ASAP1: variants seen among roughly 807,000 people sequenced by gnomAD.
ASAP1 encodes arf-GAP with SH3 domain, ANK repeat and PH domain-containing protein 1.
In ASAP1, 43 loss-of-function variants were observed where a neutral mutation model predicts 145.2. The ratio of observed to expected loss-of-function variants is 0.30; its 90% CI spans 0.23 to 0.38. The LOEUF (loss-of-function observed/expected upper bound fraction) is 0.38. Ranked by LOEUF, ASAP1 falls within the 10% of genes least tolerant of loss-of-function variation. The pLI is 1.00. For missense variants in ASAP1, 1,018 were observed against 1,355.3 expected (o/e 0.75, Z 3.91); for synonymous variants, 546 against 515.5 (o/e 1.06, Z -0.80).
chr8:130,180,965 G>T, intron 7 of ASAP1, 85 bp from the exon 8 acceptor site: 1 of 1,268,954 alleles, frequency 7.9e-7, no homozygotes, highest in Non-Finnish European at 1.1e-6. Flanking sequence ...ACAAACTATG[G>T]ATTTGGGGTG....
At chr8:130,343,061 A>G (rs75660267) in intron 3 of ASAP1, among the ~76,000 whole-genome samples, 3,175 of 152,314 alleles carry the variant, frequency 0.021, 53 homozygotes, top group East Asian at 0.064. Context: ...TAAAATGTTC[A>G]GGCAAGGAAG....
intron 1 of ASAP1, among the ~76,000 whole-genome samples, chr8:130,419,999 C>G (rs905535077): frequency 6.6e-6 from 1 of 151,032 alleles, no homozygotes; most frequent in African/African-American, 2.4e-5. Context: ...CTATGTTTAC[C>G]AGGCTGGTCT....
intron 3 of ASAP1, among the ~76,000 whole-genome samples, chr8:130,240,574 T>G (rs995806521): frequency 6.6e-6 from 1 of 152,188 alleles, no homozygotes; most frequent in Non-Finnish European, 1.5e-5. Flanking sequence ...TATAAGATTA[T>G]CTTTCCCAAA....
In ASAP1 at chr8:130,052,706, T is replaced by C. The variant is rs1393244063; in HGVS notation, c.*2025A>G. ...CACTAACTCCATGTAATTTTAGACA[T>C]GCAGCTTTTGTGTTTTTTTTTTGTT... On this transcript the variant is annotated 3_prime_UTR_variant, in exon 30 of 30. Coordinates refer to ENST00000518721, the MANE Select transcript of ASAP1 (RefSeq NM_018482.4). 2 of 150,644 alleles carry C rather than the reference T, an allele frequency of 1.3e-5. No individual in the cohort carries two copies. Among genetic ancestry groups the C allele is most frequent in the African/African-American group, 2.4e-5 (1 of 41,068 alleles). 9.3% of individuals were successfully genotyped at this position (150,644 alleles called of 1,614,324 possible). A position where few individuals can be genotyped will look rare whatever the true frequency, so the allele number is the denominator to read the frequency against.
At chr8:130,436,060 C>G (rs943700572) in intron 1 of ASAP1, among the ~76,000 whole-genome samples, 3 of 152,160 alleles carry the variant, frequency 2.0e-5, no homozygotes, top group Non-Finnish European at 4.4e-5. Flanking sequence ...AGAACTGGCT[C>G]CTCTAGAACG....
chr8:130,193,765 ACT>A (rs1455881394), intron 5 of ASAP1, among the ~76,000 whole-genome samples: 1 of 152,204 alleles, frequency 6.6e-6, no homozygotes, highest in African/African-American at 2.4e-5. Flanking sequence ...GAATTATGAA[ACT>A]CTGTGGTTAG....
intron 1 of ASAP1, among the ~76,000 whole-genome samples, chr8:130,435,541 T>G (rs748709753): frequency 2.6e-5 from 4 of 152,218 alleles, no homozygotes; most frequent in African/African-American, 4.8e-5. Context: ...TGTTACAGAT[T>G]TCAGTTCTTT....
chr8:130,350,833 C>T (rs1305477602), intron 3 of ASAP1, among the ~76,000 whole-genome samples: 1 of 152,224 alleles, frequency 6.6e-6, no homozygotes, highest in East Asian at 1.9e-4. Context: ...TGGAAGCAGA[C>T]AGCCAGACAG....
chr8:130,115,572 C>T (rs971880727), intron 23 of ASAP1, 56 bp downstream of exon 23: 34 of 1,352,116 alleles, frequency 2.5e-5, no homozygotes, highest in Middle Eastern at 1.8e-4. Context: ...CTTGTCTACA[C>T]AGACTAGAAA....
At chr8:130,277,032 C>T (rs1040746670) in intron 3 of ASAP1, among the ~76,000 whole-genome samples, 2 of 152,074 alleles carry the variant, frequency 1.3e-5, no homozygotes, top group Non-Finnish European at 2.9e-5. Flanking sequence ...GCTTTGACAG[C>T]GTAACCCCAC....
At chr8:130,276,913 C>G (rs1565162963) in intron 3 of ASAP1, among the ~76,000 whole-genome samples, 1 of 152,118 alleles carries the variant, frequency 6.6e-6, no homozygotes, top group Non-Finnish European at 1.5e-5. Context: ...ACACAGAAAA[C>G]TAAGTGAACT....
rs2097560320 is a variant in ASAP1, at chr8:130,118,618, C to T, written c.1665G>A (p.Lys555=). 1 of 1,613,726 alleles carries T rather than the reference C, an allele frequency of 6.2e-7. No homozygotes were observed. The highest frequency in any genetic ancestry group is 1.3e-5 in the African/African-American group (1 of 74,900). Residue 555 remains lysine (K), a synonymous_variant, in exon 19 of 30, where the codon AAG becomes AAA. Coordinates refer to ENST00000518721, the MANE Select transcript of ASAP1 (RefSeq NM_018482.4). ...GTTTAGCTGATGAAGTTGAACAGGT[C>T]TTCCTTGAAAACCTATGATCTACAT... ...AKYVDHRFSR[K]TCSTSSAKLN... is the part of the protein sequence containing the mutation.
At chr8:130,428,279 G>A (rs1829998739) in intron 1 of ASAP1, among the ~76,000 whole-genome samples, 1 of 151,294 alleles carries the variant, frequency 6.6e-6, no homozygotes, top group African/African-American at 2.4e-5. Flanking sequence ...TGCCACTGGA[G>A]GCATGTCTAA....
intron 3 of ASAP1, among the ~76,000 whole-genome samples, chr8:130,269,513 C>A (rs1243879670): frequency 1.3e-5 from 2 of 152,224 alleles, no homozygotes; most frequent in Admixed American, 6.5e-5. Flanking sequence ...TATGTCCCAA[C>A]AGATTAAACT....
chr8:130,270,452 T>C (rs13439609), intron 3 of ASAP1, among the ~76,000 whole-genome samples: 4,900 of 152,322 alleles, frequency 0.032, 254 homozygotes, highest in African/African-American at 0.11. Context: ...TGTAAAAGTA[T>C]AAAGAAATAA....
At chr8:130,110,206 G>A (rs1023616657) in intron 24 of ASAP1, among the ~76,000 whole-genome samples, 26 of 152,134 alleles carry the variant, frequency 1.7e-4, no homozygotes, top group Non-Finnish European at 3.4e-4. Context: ...AGGGGGTGGA[G>A]GGAAATGAGG....
chr8:130,154,585 C>T (rs1359422398), intron 12 of ASAP1, among the ~76,000 whole-genome samples: 2 of 152,282 alleles, frequency 1.3e-5, no homozygotes, highest in South Asian at 2.1e-4. Context: ...GTAGCTTTCC[C>T]AGGCATTTAA....
At chr8:130,333,316 G>T (rs540602775) in intron 3 of ASAP1, among the ~76,000 whole-genome samples, 6 of 152,292 alleles carry the variant, frequency 3.9e-5, no homozygotes, top group Admixed American at 1.3e-4. Context: ...AAAAAGGCAT[G>T]GCTGGCTGGG....
chr8:130,441,736 T>C (rs928559445), intron 1 of ASAP1, among the ~76,000 whole-genome samples: 1 of 151,902 alleles, frequency 6.6e-6, no homozygotes, highest in African/African-American at 2.4e-5. Context: ...ACTGGGGAGG[T>C]GTAGAGAATT....
Sources: allele counts gnomAD v4.1 joint callset (sites outside exome capture counted in the v4.1 genomes callset), GRCh38; gene constraint gnomAD v4.1.1; transcripts MANE v1.5; gene names NCBI Gene and HGNC (gene_info 2026-07-23, HGNC 2026-07-21).